SLC43A3: variants seen among roughly 807,000 people sequenced by gnomAD.
SLC43A3 encodes the protein solute carrier family 43 member 3.
A neutral mutation model predicts 53.3 loss-of-function variants in SLC43A3; 33 were observed. The observed-to-expected ratio is 0.62, with a 90% CI of 0.47 to 0.83. SLC43A3 has a LOEUF of 0.83. Among genes scored for constraint, SLC43A3 ranks in the 40% least tolerant of loss-of-function variants. The pLI is 0.00. For missense variants in SLC43A3, 530 were observed against 610.0 expected, an observed-to-expected ratio of 0.87 and a Z score of 1.38; for synonymous variants, 236 against 246.2, an observed-to-expected ratio of 0.96 and a Z score of 0.39.
At chr11:57,412,732 TGGGAG>T (rs1007820777) in intron 11 of SLC43A3, among the ~76,000 whole-genome samples, 3 of 151,238 alleles carry the variant, frequency 2.0e-5, no homozygotes, top group Admixed American at 2.0e-4. Flanking sequence ...CGCTTGAACC[TGGGAG>T]GCGGAGGTCG....
At position 57,409,240 on chromosome 11, in the gene SLC43A3, C is replaced by A. The variant is rs1036587497; in HGVS notation, c.1306G>T (p.Val436Leu). ...FGLVMALSAV[V>L]SLLQFPIFTL... ...AAGATGGGGAACTGGAGCAGAGACACCACAGCCGACAAGGCCATCACCAGC... is the reference window on the plus strand; with the variant it reads ...AAGATGGGGAACTGGAGCAGAGACAACACAGCCGACAAGGCCATCACCAGC... Residue 436 changes from valine (V) to leucine (L), a missense_variant, in exon 13 of 14, where the codon GTG becomes TTG. Physicochemically the swap from Val to Leu is conservative, Grantham distance 32. Transcript: ENST00000395124. The A allele has an allele frequency of 2.5e-6, 4 of 1,614,166 alleles. No individual in the cohort carries two copies. The South Asian group carries it at 4.4e-5, about 18-fold the overall frequency.
chr11:57,425,854 C>T (rs1943182580), intron 3 of SLC43A3, 135 bp downstream of exon 3: 1 of 1,339,222 alleles, frequency 7.5e-7, no homozygotes, highest in African/African-American at 1.4e-5. Flanking sequence ...CTTCCCAGAT[C>T]AAGTGGGGTG....
At chr11:57,414,363 G>C (rs1229395761) in intron 11 of SLC43A3, among the ~76,000 whole-genome samples, 2 of 151,926 alleles carry the variant, frequency 1.3e-5, no homozygotes, top group African/African-American at 4.8e-5. Flanking sequence ...AAAAATTAGT[G>C]GGGGATGGTG....
In SLC43A3 at chr11:57,421,371, A is replaced by G; in HGVS notation, c.364T>C (p.Ser122Pro). The part of the protein sequence containing the change: ...TLIIAFTSAG[S>P]AVLLFLAMPM... ...ATGGCCAGGAAGAGCAGCACGGCTG[A>G]GCCTGGACCATCAAAGTCAGAGGTA... Residue 122 changes from serine (S) to proline (P), a missense_variant and splice_region_variant, in exon 6 of 14, where the codon TCA becomes CCA. Ser to Pro is a moderately conservative substitution (Grantham distance 74, BLOSUM62 -1). This residue lies in a region of SLC43A3 where 376 missense variants were observed against 386.7 expected (regional missense o/e 0.97). Coordinates refer to ENST00000395124, the MANE Select transcript of SLC43A3 (RefSeq NM_199329.3). The G allele has an allele frequency of 3.7e-6, 6 of 1,613,576 alleles. No individual in the cohort carries two copies. Among genetic ancestry groups the G allele is most frequent in the Non-Finnish European group, 5.1e-6 (6 of 1,179,760 alleles).
chr11:57,409,370 G>A, intron 12 of SLC43A3, 72 bp from the exon 13 acceptor site: 1 of 1,581,378 alleles, frequency 6.3e-7, no homozygotes, highest in South Asian at 1.1e-5. Context: ...CTGGCCTCTG[G>A]GGGCTGTCGG....
chr11:57,416,853 G>A (rs1942747182), intron 8 of SLC43A3, among the ~76,000 whole-genome samples, 183 bp from the exon 9 acceptor site: 1 of 152,190 alleles, frequency 6.6e-6, no homozygotes, highest in Non-Finnish European at 1.5e-5. Flanking sequence ...GTGAGAGCCA[G>A]GCTTCCTTTT....
chr11:57,421,191 G>A lies in SLC43A3; in HGVS notation c.438+106C>T. On this transcript the variant is annotated intron_variant, in intron 6 of 13. Coordinates refer to ENST00000395124, the MANE Select transcript of SLC43A3 (RefSeq NM_199329.3). The stretch of plus-strand genomic sequence containing the variant: ...CTCCACCGCTAGAGCTCCCACCTCA[G>A]CTTGGGCCAACCCCATCTGAGGCAG... 3 of 1,257,996 alleles carry A rather than the reference G, an allele frequency of 2.4e-6. No homozygotes were observed. The South Asian group carries it at 3.8e-5, about 16-fold the overall frequency. 77.9% of individuals were successfully genotyped at this position (1,257,996 alleles called of 1,614,324 possible). A position where few individuals can be genotyped will look rare whatever the true frequency, so the allele number is the denominator to read the frequency against.
At chr11:57,419,942 A>T (rs374295035) in intron 7 of SLC43A3, among the ~76,000 whole-genome samples, 6 of 151,978 alleles carry the variant, frequency 3.9e-5, no homozygotes, top group South Asian at 2.1e-4. Context: ...TCTCTGCATA[A>T]CCCTCCAAAC....
In SLC43A3 at chr11:57,426,306, T is replaced by C; in HGVS notation, c.-134A>G. On this transcript the variant is annotated 5_prime_UTR_variant, in exon 3 of 14. Transcript: ENST00000395124. ...CCCTTCCTTTCCCGTAGCTCTCTGG[T>C]TGTTTCAGGCCTGGGCAAAAACCAT... The C allele has an allele frequency of 6.3e-6, 5 of 796,844 alleles. No individual in the cohort carries two copies. The highest frequency in any genetic ancestry group is 2.7e-5 in the East Asian group (1 of 37,458). The allele number at this position is 796,844 out of a possible 1,614,324, so 49.4% of individuals were successfully genotyped here.
intron 11 of SLC43A3, among the ~76,000 whole-genome samples, chr11:57,412,489 G>A (rs971705892): frequency 1.3e-5 from 2 of 152,166 alleles, no homozygotes; most frequent in Admixed American, 1.3e-4. Flanking sequence ...CTTTCTAGAA[G>A]AATTCTAGTG....
Position 57,417,889 on chromosome 11 carries a change from T to A in SLC43A3, c.532-2A>T, listed in dbSNP as rs1252513571. 6.2e-7 allele frequency: 1 copy of A among 1,613,784 alleles called. No individual in the cohort carries two copies. Among genetic ancestry groups the A allele is most frequent in the Non-Finnish European group, 8.5e-7 (1 of 1,179,916 alleles). On this transcript the variant is annotated splice_acceptor_variant, in intron 7 of 13. Coordinates refer to ENST00000395124, the MANE Select transcript of SLC43A3 (RefSeq NM_199329.3). LOFTEE classifies it high-confidence loss of function. Reference sequence around the variant, plus strand: ...GCTGATGCCTTTTTCATAAAGAAGCTGCAGAAGGAGAAGGAAAAAGTCAGT... The same window carrying A: ...GCTGATGCCTTTTTCATAAAGAAGCAGCAGAAGGAGAAGGAAAAAGTCAGT...
At chr11:57,409,881 T>C in intron 12 of SLC43A3, 54 bp downstream of exon 12, 1 of 1,495,286 alleles carries the variant, frequency 6.7e-7, no homozygotes, top group Non-Finnish European at 9.0e-7. Flanking sequence ...TACCTCCAGC[T>C]TCTCTTTGCC....
chr11:57,414,882 T>G (rs1377505804), intron 10 of SLC43A3, 51 bp downstream of exon 10: 1 of 1,600,440 alleles, frequency 6.2e-7, no homozygotes, highest in East Asian at 2.2e-5. Flanking sequence ...GGAGGCTCTG[T>G]GTTCCCAGCT....
intron 7 of SLC43A3, among the ~76,000 whole-genome samples, chr11:57,418,839 A>C (rs1252687741): frequency 1.3e-5 from 2 of 152,016 alleles, no homozygotes; most frequent in African/African-American, 4.8e-5. Flanking sequence ...GCAGTGAGCC[A>C]AGATCCTGCC....
At chr11:57,413,236 G>T (rs1448616359) in intron 11 of SLC43A3, among the ~76,000 whole-genome samples, 1 of 152,112 alleles carries the variant, frequency 6.6e-6, no homozygotes, top group Non-Finnish European at 1.5e-5. Context: ...AGGTAGGGGG[G>T]AGGACTGTTC....
chr11:57,409,367 CTG>C lies in SLC43A3; in HGVS notation c.1248-71_1248-70del. 1.9e-6 allele frequency: 3 copies of C among 1,590,834 alleles called. No homozygotes were observed. In the South Asian group the frequency reaches 3.3e-5, roughly 18 times the overall value. On this transcript the variant is annotated intron_variant, in intron 12 of 13. Transcript: ENST00000395124. Reference sequence around the variant, plus strand: ...CTCCCTCCAAGCAGAAGCCTGGCCTCTGGGGGCTGTCGGCCGCTTGTCCCCAG... The same window carrying C: ...CTCCCTCCAAGCAGAAGCCTGGCCTCGGGGCTGTCGGCCGCTTGTCCCCAG...
At position 57,426,128 on chromosome 11, in the gene SLC43A3, A is replaced by T. The variant is rs776547750; in HGVS notation, c.45T>A (p.Thr15=). ...CAAAGCCCAGGCATTCCAGCAGCCC[A>T]GTCAGCAGTGTGGCCACGTGCAGGG... The part of the protein sequence containing the change: ...GLPLHVATLL[T]GLLECLGFAG... The change falls in exon 3 of 14, where the codon ACT becomes ACA. Residue 15 remains threonine (T), a synonymous_variant. Coordinates refer to ENST00000395124, the MANE Select transcript of SLC43A3 (RefSeq NM_199329.3). The T allele has an allele frequency of 6.2e-7, 1 of 1,614,256 alleles. No homozygotes were observed.
rs1942370006 is a variant in SLC43A3 at position 57,409,825 on chromosome 11, C to T, written c.1247+110G>A. ...CCACACCTGCCCCCAAACCCAGTCTCCCGCACCTGACTGCCTCCAGGCCCC... is the reference window on the plus strand; with the variant it reads ...CCACACCTGCCCCCAAACCCAGTCTTCCGCACCTGACTGCCTCCAGGCCCC... On this transcript the variant is annotated intron_variant, in intron 12 of 13. Coordinates refer to ENST00000395124, the MANE Select transcript of SLC43A3 (RefSeq NM_199329.3). 4.7e-6 allele frequency: 5 copies of T among 1,055,852 alleles called. No individual in the cohort carries two copies. In the East Asian group the frequency reaches 1.0e-4, roughly 22 times the overall value. 65.4% of individuals were successfully genotyped at this position (1,055,852 alleles called of 1,614,324 possible). A position where few individuals can be genotyped will look rare whatever the true frequency, so the allele number is the denominator to read the frequency against.
rs779111381 is a variant in SLC43A3, at chr11:57,407,904, G to T, written c.1372-8C>A. 6 of 1,579,492 alleles carry T rather than the reference G, an allele frequency of 3.8e-6. No individual in the cohort carries two copies. In the South Asian group the frequency reaches 6.6e-5, roughly 17 times the overall value. On this transcript the variant is annotated splice_region_variant and splice_polypyrimidine_tract_variant and intron_variant, in intron 13 of 13. Coordinates refer to ENST00000395124, the MANE Select transcript of SLC43A3 (RefSeq NM_199329.3). ...CATGAACATCACATTCACCTGCAGG[G>T]AGAGCAGAAGTGAGGTGAAATCCAG...
Sources: allele counts gnomAD v4.1 joint callset (sites outside exome capture counted in the v4.1 genomes callset), GRCh38; gene constraint gnomAD v4.1.1; regional missense constraint gnomAD v4.1.1; transcripts MANE v1.5; gene names NCBI Gene and HGNC (gene_info 2026-07-23, HGNC 2026-07-21).